LAMA2: variants seen among roughly 807,000 people sequenced by gnomAD.
The protein encoded by LAMA2 is laminin subunit alpha 2.
A neutral mutation model predicts 364.8 loss-of-function variants in LAMA2; 269 were observed. The observed-to-expected ratio is 0.74, with a 90% CI of 0.67 to 0.82. LAMA2 has a LOEUF of 0.82. Ranked by LOEUF, LAMA2 falls within the 40% of genes least tolerant of loss-of-function variation. The pLI, the probability that LAMA2 is intolerant of heterozygous loss-of-function variation, is 0.00. For synonymous variants in LAMA2, 1,379 were observed against 1,370.6 expected (o/e 1.01, Z -0.14); for missense variants, 3,807 against 3,873.2 (o/e 0.98, Z 0.45).
intron 33 of LAMA2, among the ~76,000 whole-genome samples, chr6:129,369,061 A>G (rs1263183005): frequency 1.3e-5 from 2 of 152,190 alleles, no homozygotes; most frequent in East Asian, 1.9e-4. Flanking sequence ...TTAGCACTCA[A>G]CTGGGTGCTA....
intron 14 of LAMA2, among the ~76,000 whole-genome samples, chr6:129,254,727 C>T (rs2114297016): frequency 6.6e-6 from 1 of 152,320 alleles, no homozygotes; most frequent in Non-Finnish European, 1.5e-5. Flanking sequence ...GTAGAAAACT[C>T]TTCATTCTTC....
chr6:129,081,796 G>A (rs1774073170), intron 3 of LAMA2, among the ~76,000 whole-genome samples: 1 of 152,044 alleles, frequency 6.6e-6, no homozygotes, highest in African/African-American at 2.4e-5. Flanking sequence ...TTACTTATGA[G>A]CATTAAATGA....
At chr6:129,180,694 A>G (rs1218842870) in intron 10 of LAMA2, among the ~76,000 whole-genome samples, 1 of 152,170 alleles carries the variant, frequency 6.6e-6, no homozygotes, top group Non-Finnish European at 1.5e-5. Context: ...AAAAATACAG[A>G]TATGCTGCAT....
intron 12 of LAMA2, among the ~76,000 whole-genome samples, chr6:129,197,865 T>C (rs1781940161): frequency 6.6e-6 from 1 of 152,186 alleles, no homozygotes; most frequent in African/African-American, 2.4e-5. Context: ...ACCTCTGTCT[T>C]ACATATCCGT....
intron 55 of LAMA2, 136 bp from the exon 56 acceptor site, chr6:129,486,338 C>A (rs6569604): frequency 1.2e-5 from 10 of 826,434 alleles, no homozygotes; most frequent in Middle Eastern, 2.3e-4. Flanking sequence ...TTTTCAAAAC[C>A]GTTTGAGAAA....
At chr6:129,340,224 A>G (rs11154471) in intron 29 of LAMA2, among the ~76,000 whole-genome samples, 41,492 of 152,022 alleles carry the variant, frequency 0.27, 5,885 homozygotes, top group African/African-American at 0.31. Context: ...GAGACCAGGA[A>G]TGTAAACAAT....
intron 63 of LAMA2, among the ~76,000 whole-genome samples, chr6:129,513,425 G>A (rs549148162): frequency 5.5e-4 from 84 of 152,136 alleles, no homozygotes; most frequent in African/African-American, 2.0e-3. Flanking sequence ...AGTTACCATC[G>A]ATATGTCACT....
At chr6:129,083,630 C>T (rs966124955) in intron 3 of LAMA2, among the ~76,000 whole-genome samples, 2 of 152,134 alleles carry the variant, frequency 1.3e-5, no homozygotes, top group Non-Finnish European at 2.9e-5. Context: ...ACTTTACCTC[C>T]AACTCAAAGA....
At chr6:128,960,343 C>CT (rs35955136) in intron 1 of LAMA2, among the ~76,000 whole-genome samples, 85 of 111,998 alleles carry the variant, frequency 7.6e-4, no homozygotes, top group East Asian at 1.3e-3. Context: ...TTTTTTTTTC[C>CT]TTTTTTTTTT....
intron 49 of LAMA2, among the ~76,000 whole-genome samples, chr6:129,461,909 AAT>A (rs986116722): frequency 2.0e-5 from 3 of 152,030 alleles, no homozygotes; most frequent in African/African-American, 7.2e-5. Flanking sequence ...AAATAGTTCA[AAT>A]ATCAGGCATA....
At chr6:129,406,464 G>A (rs1006623928) in intron 40 of LAMA2, among the ~76,000 whole-genome samples, 1 of 152,084 alleles carries the variant, frequency 6.6e-6, no homozygotes, top group African/African-American at 2.4e-5. Context: ...TAAAGCATTT[G>A]TTTTCCTACA....
chr6:129,068,877 A>G (rs1773114060), intron 3 of LAMA2, among the ~76,000 whole-genome samples: 1 of 152,150 alleles, frequency 6.6e-6, no homozygotes, highest in Non-Finnish European at 1.5e-5. Context: ...TTTTCCTCAT[A>G]GAACAAAAGT....
intron 28 of LAMA2, among the ~76,000 whole-genome samples, chr6:129,322,686 C>T (rs2114518851): frequency 6.6e-6 from 1 of 152,248 alleles, no homozygotes; most frequent in Middle Eastern, 3.4e-3. Flanking sequence ...AAGGTTATTA[C>T]AGCTATATTT....
chr6:129,421,013 AG>A, intron 40 of LAMA2, among the ~76,000 whole-genome samples: 1 of 152,282 alleles, frequency 6.6e-6, no homozygotes, highest in East Asian at 1.9e-4. Flanking sequence ...ATAAATAAAA[AG>A]TTTTGTTGGG....
chr6:129,404,002 T>C, intron 40 of LAMA2, 43 bp downstream of exon 40: 1 of 1,607,958 alleles, frequency 6.2e-7, no homozygotes, highest in Non-Finnish European at 8.5e-7. Context: ...GAAGTCAACC[T>C]TTTTGAATTT....
At chr6:129,426,407 C>A (rs1781326921) in intron 40 of LAMA2, among the ~76,000 whole-genome samples, 1 of 151,888 alleles carries the variant, frequency 6.6e-6, no homozygotes, top group Non-Finnish European at 1.5e-5. Context: ...GAGTGGGTAA[C>A]CTGAGGCTTA....
Position 129,491,989 on chromosome 6 carries a change from G to A in LAMA2, c.7987G>A (p.Gly2663Arg). ...TATCGAAGTTAAAAAGCTTTTCGTT[G>A]GGGGTGCTCCACCTGAATTTCAACC... Reference protein sequence around the residue: ...QPIEVKKLFVGGAPPEFQPSP... With the variant: ...QPIEVKKLFVRGAPPEFQPSP... Residue 2663 changes from glycine (G) to arginine (R), a missense_variant, in exon 57 of 65, where the codon GGG becomes AGG. By Grantham distance (125) the Gly-to-Arg change is moderately radical. Coordinates refer to ENST00000421865, the MANE Select transcript of LAMA2 (RefSeq NM_000426.4). 2 of 1,613,764 alleles carry A rather than the reference G, an allele frequency of 1.2e-6. No individual in the cohort carries two copies. Among genetic ancestry groups the A allele is most frequent in the Non-Finnish European group, 1.7e-6 (2 of 1,179,704 alleles).
intron 64 of LAMA2, among the ~76,000 whole-genome samples, chr6:129,515,930 C>T (rs186298223): frequency 6.6e-6 from 1 of 152,034 alleles, no homozygotes; most frequent in East Asian, 1.9e-4. Context: ...CGCTTGAGCC[C>T]AGGAGGTTGA....
intron 19 of LAMA2, 140 bp downstream of exon 19, chr6:129,288,198 T>C (rs766919584): frequency 1.2e-5 from 9 of 756,298 alleles, no homozygotes; most frequent in Non-Finnish European, 1.9e-5. Context: ...ATACAGAGTC[T>C]GCATATTCCA....
Sources: allele counts gnomAD v4.1 joint callset (sites outside exome capture counted in the v4.1 genomes callset), GRCh38; gene constraint gnomAD v4.1.1; transcripts MANE v1.5; gene names NCBI Gene and HGNC (gene_info 2026-07-23, HGNC 2026-07-21).